TNNI3K: variants seen among roughly 807,000 people sequenced by gnomAD.
TNNI3K encodes the protein serine/threonine-protein kinase TNNI3K.
TNNI3K carries 140 observed loss-of-function variants against 114.5 expected under a neutral mutation model. The observed-to-expected ratio is 1.22, with a 90% CI of 1.07 to 1.41. TNNI3K has a LOEUF of 1.41. Ranked by LOEUF, TNNI3K falls within the 40% of genes most tolerant of loss-of-function variation. TNNI3K has a pLI of 0.00. For synonymous variants in TNNI3K, 347 were observed against 347.5 expected (o/e 1.00, Z 0.02); for missense variants, 1,125 against 1,007.6 (o/e 1.12, Z -1.58).
intron 17 of TNNI3K, among the ~76,000 whole-genome samples, chr1:74,391,957 A>ATTTTTTTTTTTTTTTTTTTTTTTT (rs34656417): frequency 1.1e-5 from 1 of 92,990 alleles, no homozygotes; most frequent in African/African-American, 3.9e-5. Flanking sequence ...ACAGCTTATT[A>ATTTTTTTTTTTTTTTTTTTTTTTT]TTTTTTTTTT....
At chr1:74,406,193 C>T (rs1664605093) in intron 17 of TNNI3K, among the ~76,000 whole-genome samples, 1 of 152,190 alleles carries the variant, frequency 6.6e-6, no homozygotes, top group African/African-American at 2.4e-5. Context: ...CAGCTGAAGG[C>T]TTTCCTTATC....
intron 12 of TNNI3K, 88 bp downstream of exon 12, chr1:74,367,430 G>C (rs1290265565): frequency 1.2e-5 from 17 of 1,445,994 alleles, no homozygotes; most frequent in Middle Eastern, 3.6e-4. Flanking sequence ...CATTCTTTCA[G>C]GGGTTAGGGA....
chr1:74,364,599 G>A (rs1446620655), intron 11 of TNNI3K, among the ~76,000 whole-genome samples: 1 of 151,966 alleles, frequency 6.6e-6, no homozygotes, highest in South Asian at 2.1e-4. Flanking sequence ...TGTTGGAACT[G>A]TAAGTAGGCT....
intron 23 of TNNI3K, among the ~76,000 whole-genome samples, chr1:74,515,884 G>A (rs984166): frequency 0.082 from 12,448 of 152,242 alleles, 1,130 homozygotes; most frequent in African/African-American, 0.22. Context: ...ACTTACACCT[G>A]CCAACCTAAT....
At chr1:74,309,186 G>A (rs938745650) in intron 5 of TNNI3K, among the ~76,000 whole-genome samples, 2 of 150,000 alleles carry the variant, frequency 1.3e-5, no homozygotes, top group South Asian at 2.1e-4. Flanking sequence ...GGCTAACACG[G>A]TGAAACCCCG....
At chr1:74,500,714 T>G (rs1422130045) in intron 23 of TNNI3K, among the ~76,000 whole-genome samples, 1 of 149,416 alleles carries the variant, frequency 6.7e-6, no homozygotes, top group East Asian at 2.0e-4. Context: ...TTATCTTCCC[T>G]CTTTTTTAAG....
At chr1:74,398,458 C>T (rs180692115) in intron 17 of TNNI3K, among the ~76,000 whole-genome samples, 143 of 152,158 alleles carry the variant, frequency 9.4e-4, no homozygotes, top group Non-Finnish European at 1.6e-3. Context: ...ACCTGCCAGA[C>T]GATAAACAAA....
intron 5 of TNNI3K, among the ~76,000 whole-genome samples, chr1:74,311,639 G>C (rs957194885): frequency 6.6e-6 from 1 of 152,132 alleles, no homozygotes; most frequent in Non-Finnish European, 1.5e-5. Flanking sequence ...AGTGTGCTTA[G>C]GAAATGTCTG....
chr1:74,383,074 C>A (rs1557533997), intron 17 of TNNI3K, among the ~76,000 whole-genome samples: 1 of 146,400 alleles, frequency 6.8e-6, no homozygotes, highest in African/African-American at 2.5e-5. Context: ...TCTTTAATTT[C>A]TTTTTTTTTT....
intron 5 of TNNI3K, 54 bp downstream of exon 5, chr1:74,271,762 G>A: frequency 6.9e-7 from 1 of 1,457,178 alleles, no homozygotes; most frequent in Admixed American, 1.9e-5. Context: ...CTTTTCGGTT[G>A]TTGTTCTTAA....
At chr1:74,348,331 G>T (rs1224037567) in intron 9 of TNNI3K, among the ~76,000 whole-genome samples, 6 of 152,104 alleles carry the variant, frequency 3.9e-5, no homozygotes, top group African/African-American at 1.4e-4. Context: ...TATTTCTGAG[G>T]GCTCTGTTCT....
chr1:74,500,407 C>A (rs1343337221), intron 23 of TNNI3K, among the ~76,000 whole-genome samples: 1 of 150,992 alleles, frequency 6.6e-6, no homozygotes, highest in African/African-American at 2.4e-5. Context: ...CGAGACCATC[C>A]CGGCTAAAAA....
intron 2 of TNNI3K, 87 bp from the exon 3 acceptor site, chr1:74,249,372 T>C (rs1654785574): frequency 2.2e-6 from 3 of 1,338,644 alleles, no homozygotes; most frequent in Non-Finnish European, 3.1e-6. Context: ...GAATTGATAG[T>C]AACAGGATTT....
intron 21 of TNNI3K, chr1:74,471,963 A>T (rs761002793): frequency 1.1e-5 from 7 of 616,710 alleles, no homozygotes; most frequent in Admixed American, 2.8e-5. Flanking sequence ...GTCCACAAGG[A>T]TCATCATATT....
chr1:74,369,216 G>A lies in TNNI3K; in HGVS notation c.1424G>A (p.Gly475Glu), dbSNP rs1356189771. The change falls in exon 15 of 25, where the codon GGG (glycine) becomes GAG (glutamate). Residue 475 changes from glycine (G) to glutamate (E), a missense_variant. Transcript: ENST00000326637. ...FHEIIGSGSF[G>E]KVYKGRCRNK... ...TTTTAAACAATTGTAGGTTCTTTTG[G>A]GAAAGTATATAAAGGACGATGCAGA... 1.2e-6 allele frequency: 2 copies of A among 1,610,024 alleles called. No individual in the cohort carries two copies. Among genetic ancestry groups the A allele is most frequent in the South Asian group, 2.2e-5 (2 of 90,232 alleles).
At chr1:74,339,837 A>G (rs1340173892) in intron 7 of TNNI3K, among the ~76,000 whole-genome samples, 1 of 152,146 alleles carries the variant, frequency 6.6e-6, no homozygotes, top group Non-Finnish European at 1.5e-5. Flanking sequence ...CCTTCAAAAT[A>G]TGCCATTTTG....
At chr1:74,376,849 C>A (rs1353004037) in intron 17 of TNNI3K, 1 of 151,670 alleles carries the variant, frequency 6.6e-6, no homozygotes, top group Non-Finnish European at 1.5e-5. Flanking sequence ...TTCAAAGACA[C>A]TGAAGGGACT....
At chr1:74,476,343 C>T (rs543005064) in intron 21 of TNNI3K, among the ~76,000 whole-genome samples, 10 of 152,242 alleles carry the variant, frequency 6.6e-5, no homozygotes, top group African/African-American at 2.2e-4. Flanking sequence ...CCTAAATGTT[C>T]AAACCAATGT....
chr1:74,542,559 G>T (rs543743407), intron 24 of TNNI3K, among the ~76,000 whole-genome samples: 1 of 152,212 alleles, frequency 6.6e-6, no homozygotes, highest in Non-Finnish European at 1.5e-5. Context: ...AGAGAGACCA[G>T]TTGACAGGAG....
Sources: allele counts gnomAD v4.1 joint callset (sites outside exome capture counted in the v4.1 genomes callset), GRCh38; gene constraint gnomAD v4.1.1; transcripts MANE v1.5; gene names NCBI Gene and HGNC (gene_info 2026-07-23, HGNC 2026-07-21).